Variants in ARHGEF18 observed in about 807,000 individuals in gnomAD.
ARHGEF18 encodes rho guanine nucleotide exchange factor 18.
Under a neutral mutation model 155.7 loss-of-function variants are expected in ARHGEF18, and 93 were observed. The observed-to-expected ratio is 0.60, with a 90% CI of 0.50 to 0.71. The LOEUF (loss-of-function observed/expected upper bound fraction) is 0.71, where lower values mean the gene tolerates loss of function less well. Among genes scored for constraint, ARHGEF18 ranks in the 30% least tolerant of loss-of-function variants. The pLI is 0.00. For missense variants in ARHGEF18, 1,593 were observed against 1,816.1 expected (o/e 0.88, Z 2.23); for synonymous variants, 742 against 753.1 (o/e 0.99, Z 0.24).
chr19:7,379,357 G>A (rs1298452420), intron 7 of ARHGEF18, among the ~76,000 whole-genome samples, 191 bp downstream of exon 7: 2 of 152,022 alleles, frequency 1.3e-5, no homozygotes, highest in Admixed American at 6.6e-5. Flanking sequence ...TCAGGAGTTC[G>A]AGACCAGCCT....
chr19:7,396,239 C>T (rs1371288974), intron 10 of ARHGEF18, among the ~76,000 whole-genome samples: 4 of 152,180 alleles, frequency 2.6e-5, no homozygotes, highest in Admixed American at 2.6e-4. Flanking sequence ...GGAAGCGAAG[C>T]GGCCAACACA....
intron 16 of ARHGEF18, among the ~76,000 whole-genome samples, chr19:7,452,464 T>C (rs1975547738): frequency 6.6e-6 from 1 of 151,980 alleles, no homozygotes. Flanking sequence ...ATTTATTTAT[T>C]TATTTATTTA....
the ARHGEF18 span, chr19:7,478,395 A>AG: frequency 1.2e-6 from 2 of 1,602,904 alleles, no homozygotes; most frequent in Admixed American, 3.4e-5. Flanking sequence ...CCAGAGCCCG[A>AG]GGGAGGATGC....
chr19:7,451,404 C>CTTTT lies in ARHGEF18; in HGVS notation c.1855+155_1855+158dup, dbSNP rs35473770. 2,867 of 376,120 alleles carry CTTTT rather than the reference C, an allele frequency of 7.6e-3. 2 individuals carry two copies. Among genetic ancestry groups the CTTTT allele is most frequent in the South Asian group, 0.011 (361 of 33,928 alleles). The allele number at this position is 376,120 out of a possible 1,614,324, so 23.3% of individuals were successfully genotyped here. ...GTTTGCTGGGTGCTGGGGTTCCTTC[C>CTTTT]TTTTTTTTTTTTTTTTTTTTAAGAG... On this transcript the variant is annotated intron_variant, in intron 16 of 28. Transcript: ENST00000668164.
intron 3 of ARHGEF18, among the ~76,000 whole-genome samples, chr19:7,373,868 T>TTTTG (rs1970318284): frequency 7.1e-6 from 1 of 141,682 alleles, no homozygotes; most frequent in African/African-American, 2.5e-5. Flanking sequence ...TTTTTTTTTT[T>TTTTG]GAGACAGAAT....
chr19:7,361,837 A>G (rs1969561341), intron 1 of ARHGEF18, among the ~76,000 whole-genome samples: 2 of 151,648 alleles, frequency 1.3e-5, no homozygotes, highest in South Asian at 2.1e-4. Flanking sequence ...TATTAATCAC[A>G]CAAAATTAGC....
At chr19:7,477,553 C>A in the ARHGEF18 span, 10 of 845,772 alleles carry the variant, frequency 1.2e-5, no homozygotes, top group African/African-American at 1.8e-5. Context: ...GTGGGAGGAG[C>A]TGGCAGGACT....
intron 10 of ARHGEF18, among the ~76,000 whole-genome samples, chr19:7,409,347 A>AC (rs1879523034): frequency 6.7e-6 from 1 of 149,438 alleles, no homozygotes; most frequent in Non-Finnish European, 1.5e-5. Flanking sequence ...AAAAAAAAAA[A>AC]GACTTAATGG....
chr19:7,473,591 T>C (rs531785797), downstream of ARHGEF18, among the ~76,000 whole-genome samples: 19 of 151,284 alleles, frequency 1.3e-4, no homozygotes, highest in East Asian at 5.9e-4. Context: ...GTGGGCAGAT[T>C]ACGAGGTCAG....
intron 7 of ARHGEF18, among the ~76,000 whole-genome samples, chr19:7,380,590 G>A (rs956398379): frequency 9.2e-5 from 14 of 152,002 alleles, no homozygotes; most frequent in Admixed American, 1.3e-4. Context: ...AGACTGAGGC[G>A]GGAGGATTGC....
At chr19:7,364,049 GA>G (rs2145356966) in intron 2 of ARHGEF18, among the ~76,000 whole-genome samples, 1 of 150,950 alleles carries the variant, frequency 6.6e-6, no homozygotes, top group South Asian at 2.1e-4. Context: ...ATAAATGAAT[GA>G]ATGAAGGAAA....
In ARHGEF18 at chr19:7,462,321, G is replaced by A. The variant is rs149045020; in HGVS notation, c.2622G>A (p.Ser874=). 6.4e-4 allele frequency: 1,013 copies of A among 1,595,072 alleles called. No homozygotes were observed. The highest frequency in any genetic ancestry group is 8.1e-4 in the Non-Finnish European group (949 of 1,171,332). ...TGCAGGGGGAGCTAATTCTCAAGTC[G>A]GCCATGAGCGAGAGTAAGTTGGCTG... ...ETLQGELILK[S]AMSEIEGIQS... is the part of the protein sequence containing the mutation. Residue 874 remains serine (S), a synonymous_variant, in exon 21 of 29, where the codon TCG becomes TCA. Transcript: ENST00000668164. The surrounding 1 kb of genome is among the most constrained non-coding windows in gnomAD (Gnocchi z 4.4).
chr19:7,439,637 G>T, intron 10 of ARHGEF18: 1 of 1,098,720 alleles, frequency 9.1e-7, no homozygotes, highest in Non-Finnish European at 1.1e-6. Context: ...GGAGCCTCGC[G>T]TCCACTTCGA....
At chr19:7,451,919 A>G (rs1975503765) in intron 16 of ARHGEF18, among the ~76,000 whole-genome samples, 1 of 151,182 alleles carries the variant, frequency 6.6e-6, no homozygotes, top group African/African-American at 2.4e-5. Context: ...ATGGGGATTC[A>G]CCATGTTGAT....
chr19:7,358,649 G>A (rs1455236379), intron 1 of ARHGEF18, among the ~76,000 whole-genome samples: 2 of 152,174 alleles, frequency 1.3e-5, no homozygotes, highest in African/African-American at 4.8e-5. Flanking sequence ...ACACAGCAGA[G>A]GATAGCCTGG....
At position 7,466,834 on chromosome 19, in the gene ARHGEF18, A is replaced by AGG. The variant is rs1976647367; in HGVS notation, c.2905-84_2905-83insGG. 10 of 1,188,764 alleles carry AGG rather than the reference A, an allele frequency of 8.4e-6. No individual in the cohort carries two copies. The African/African-American group carries it at 8.6e-5, about 10-fold the overall frequency. 73.6% of individuals were successfully genotyped at this position (1,188,764 alleles called of 1,614,324 possible). ...AAAAAAAAAAAAAAAAAAGTTAAAA[A>AGG]AAAAGAAGAAGAAGAAGAAGGCTTG... On this transcript the variant is annotated intron_variant, in intron 23 of 28. Coordinates refer to ENST00000668164, the MANE Select transcript of ARHGEF18 (RefSeq NM_001367823.1).
intron 10 of ARHGEF18, among the ~76,000 whole-genome samples, chr19:7,436,424 G>A (rs1463426519): frequency 6.6e-6 from 1 of 151,844 alleles, no homozygotes; most frequent in Non-Finnish European, 1.5e-5. Flanking sequence ...TTACAGGTGT[G>A]CACCACCACT....
chr19:7,443,627 T>A (rs953154074), intron 13 of ARHGEF18, among the ~76,000 whole-genome samples: 7 of 152,106 alleles, frequency 4.6e-5, no homozygotes, highest in Non-Finnish European at 8.8e-5. Flanking sequence ...ACATACGAAT[T>A]TTGGGGGACG....
At chr19:7,473,743 G>A (rs1317522485), downstream of ARHGEF18, among the ~76,000 whole-genome samples, 1 of 151,120 alleles carries the variant, frequency 6.6e-6, no homozygotes, top group East Asian at 2.0e-4. Context: ...CCAGGAGGCG[G>A]AGCTTGCGGT....
Sources: allele counts gnomAD v4.1 joint callset (sites outside exome capture counted in the v4.1 genomes callset), GRCh38; gene constraint gnomAD v4.1.1; non-coding constraint Gnocchi (gnomAD v3.1); transcripts MANE v1.5; gene names NCBI Gene and HGNC (gene_info 2026-07-23, HGNC 2026-07-21).